Variants in ROBO2 observed in about 807,000 individuals in gnomAD.
ROBO2 encodes roundabout guidance receptor 2.
A neutral mutation model predicts 160.8 loss-of-function variants in ROBO2; 53 were observed. The observed-to-expected ratio is 0.33, with a 90% CI of 0.26 to 0.41. The LOEUF (loss-of-function observed/expected upper bound fraction) is 0.41. Ranked by LOEUF, ROBO2 falls within the 10% of genes least tolerant of loss-of-function variation. ROBO2 has a pLI of 1.00. For synonymous variants in ROBO2, 664 were observed against 611.7 expected (o/e 1.09, Z -1.26); for missense variants, 1,577 against 1,722.4 (o/e 0.92, Z 1.49).
chr3:76,759,545 C>T (rs1419196653), intron 2 of ROBO2, among the ~76,000 whole-genome samples: 3 of 151,616 alleles, frequency 2.0e-5, no homozygotes, highest in Non-Finnish European at 4.4e-5. Flanking sequence ...ATAGTTGGAT[C>T]TCCGGAAAAG....
intron 2 of ROBO2, among the ~76,000 whole-genome samples, chr3:76,642,457 A>G (rs1395071055): frequency 7.2e-6 from 1 of 139,430 alleles, no homozygotes; most frequent in Non-Finnish European, 1.5e-5. Flanking sequence ...GGTTCAAGCC[A>G]TTCTCCTGCC....
chr3:77,472,570 G>T (rs890107802), intron 2 of ROBO2, among the ~76,000 whole-genome samples: 8 of 152,026 alleles, frequency 5.3e-5, no homozygotes, highest in African/African-American at 1.7e-4. Context: ...GTGTTTTCCA[G>T]CTCACATATG....
intron 2 of ROBO2, among the ~76,000 whole-genome samples, chr3:76,646,002 A>G (rs371741098): frequency 2.0e-5 from 3 of 152,296 alleles, no homozygotes; most frequent in South Asian, 4.1e-4. Context: ...GGGCATAAAA[A>G]AGGTGAGTTG....
intron 2 of ROBO2, among the ~76,000 whole-genome samples, chr3:76,662,887 A>G (rs1457841320): frequency 1.3e-5 from 2 of 152,186 alleles, no homozygotes; most frequent in Non-Finnish European, 2.9e-5. Flanking sequence ...AGTGTCCTTC[A>G]CCAGATGTTG....
chr3:77,032,395 G>T (rs2063378451), intron 2 of ROBO2, among the ~76,000 whole-genome samples: 1 of 152,064 alleles, frequency 6.6e-6, no homozygotes, highest in Non-Finnish European at 1.5e-5. Flanking sequence ...TGCTTCATGA[G>T]AATTTAATAA....
At chr3:76,171,155 T>C (rs2073024246) in intron 2 of ROBO2, among the ~76,000 whole-genome samples, 1 of 152,106 alleles carries the variant, frequency 6.6e-6, no homozygotes. Context: ...ACACTTGCCC[T>C]TAAACTTTCC....
chr3:77,542,841 G>A (rs2092533574), intron 6 of ROBO2, among the ~76,000 whole-genome samples: 2 of 151,836 alleles, frequency 1.3e-5, no homozygotes, highest in South Asian at 2.1e-4. Context: ...TGCTTCTAAA[G>A]CACCCTTTCC....
At chr3:76,216,596 A>G (rs1450392274) in intron 2 of ROBO2, among the ~76,000 whole-genome samples, 1 of 152,254 alleles carries the variant, frequency 6.6e-6, no homozygotes, top group Non-Finnish European at 1.5e-5. Context: ...GATCAATTCA[A>G]CAAGAAGAGC....
intron 2 of ROBO2, among the ~76,000 whole-genome samples, chr3:76,071,671 T>C (rs188342051): frequency 6.6e-5 from 10 of 152,206 alleles, no homozygotes; most frequent in Admixed American, 4.6e-4. Context: ...TTTCAGGTCA[T>C]AGAAAAATTA....
At chr3:76,892,578 C>A (rs553033138) in intron 2 of ROBO2, among the ~76,000 whole-genome samples, 10 of 152,230 alleles carry the variant, frequency 6.6e-5, no homozygotes, top group African/African-American at 1.9e-4. Context: ...TCCAACGTAA[C>A]GAACACTCCC....
intron 21 of ROBO2, among the ~76,000 whole-genome samples, chr3:77,608,950 AT>A (rs1182071601): frequency 6.6e-6 from 1 of 151,844 alleles, no homozygotes; most frequent in Admixed American, 6.6e-5. Context: ...TTCTTTGTAC[AT>A]AACTCCTGTC....
At chr3:76,513,547 GGT>G (rs2081205703) in intron 2 of ROBO2, among the ~76,000 whole-genome samples, 1 of 152,082 alleles carries the variant, frequency 6.6e-6, no homozygotes, top group Non-Finnish European at 1.5e-5. Context: ...TGGGATTGCA[GGT>G]GTGAGCCACC....
chr3:77,438,127 G>C (rs1278433357), intron 2 of ROBO2, among the ~76,000 whole-genome samples: 1 of 151,680 alleles, frequency 6.6e-6, no homozygotes, highest in Non-Finnish European at 1.5e-5. Context: ...AGCCTTGATT[G>C]GATTGGAAAA....
At chr3:77,262,215 A>G (rs2058822223) in intron 2 of ROBO2, among the ~76,000 whole-genome samples, 3 of 152,188 alleles carry the variant, frequency 2.0e-5, no homozygotes, top group Non-Finnish European at 4.4e-5. Flanking sequence ...TTCTCAAGTA[A>G]AGCCATAGGT....
At chr3:76,822,074 T>G (rs2066171505) in intron 2 of ROBO2, among the ~76,000 whole-genome samples, 1 of 152,028 alleles carries the variant, frequency 6.6e-6, no homozygotes, top group South Asian at 2.1e-4. Context: ...AAAAAAAAAT[T>G]TTCCAGACAT....
chr3:76,600,369 A>G (rs942780129), intron 2 of ROBO2, among the ~76,000 whole-genome samples: 1 of 152,200 alleles, frequency 6.6e-6, no homozygotes, highest in African/African-American at 2.4e-5. Context: ...ATGATTTACC[A>G]AAATATTGTA....
At chr3:76,623,580 A>G (rs1180241710) in intron 2 of ROBO2, among the ~76,000 whole-genome samples, 2 of 152,172 alleles carry the variant, frequency 1.3e-5, no homozygotes, top group East Asian at 1.9e-4. Context: ...ATTTTATCCA[A>G]CCTACACTCT....
intron 2 of ROBO2, among the ~76,000 whole-genome samples, chr3:76,675,627 A>G (rs926197006): frequency 6.6e-6 from 1 of 152,172 alleles, no homozygotes; most frequent in African/African-American, 2.4e-5. Flanking sequence ...ACAGGACTTA[A>G]TTTTATAGTG....
chr3:77,317,525 C>T (rs2064130744), intron 2 of ROBO2: 1 of 1,410,272 alleles, frequency 7.1e-7, no homozygotes. Context: ...TCAAATCAAG[C>T]TTTATTAAGC....
Sources: gnomAD v4.1 joint callset for allele counts (sites outside exome capture counted in the v4.1 genomes callset) on GRCh38, gnomAD v4.1.1 for gene constraint, MANE v1.5 for transcripts, NCBI Gene and HGNC (gene_info 2026-07-23, HGNC 2026-07-21) for gene names.